The following LDLRAP1 variants were observed in gnomAD, a reference collection of about 807,000 sequenced individuals.
The protein encoded by LDLRAP1 is low density lipoprotein receptor adapter protein 1.
Under a neutral mutation model 37.8 loss-of-function variants are expected in LDLRAP1, and 30 were observed. The observed-to-expected ratio is 0.79, with a 90% CI of 0.59 to 1.08. The LOEUF is 1.08. LDLRAP1 is among the 50% of genes least tolerant of loss of function. The probability of loss-of-function intolerance (pLI) is 0.00; values close to 1 mark genes in which losing one functional copy is unlikely to be tolerated. For synonymous variants in LDLRAP1, 156 were observed against 169.8 expected (o/e 0.92, Z 0.63); for missense variants, 375 against 401.6 (o/e 0.93, Z 0.57).
Position 25,543,622 on chromosome 1 carries a change from G to C in LDLRAP1, c.-77G>C, listed in dbSNP as rs1027938264. 3 of 1,040,972 alleles carry C rather than the reference G, an allele frequency of 2.9e-6. No individual in the cohort carries two copies. Among genetic ancestry groups the C allele is most frequent in the Non-Finnish European group, 3.6e-6 (3 of 822,980 alleles). The allele number at this position is 1,040,972 out of a possible 1,614,324, so 64.5% of individuals were successfully genotyped here. On this transcript the variant is annotated 5_prime_UTR_variant, in exon 1 of 9. Coordinates refer to ENST00000374338, the MANE Select transcript of LDLRAP1 (RefSeq NM_015627.3). ...GGGAGGGGAGGAGCGCGCAGCCCGC[G>C]CGCCGCAGGGCCGGGCGGAAAGTTT... is the stretch of plus-strand genomic sequence containing the variant.
At chr1:25,566,259 C>T (rs1182190144) in intron 8 of LDLRAP1, among the ~76,000 whole-genome samples, 3 of 152,130 alleles carry the variant, frequency 2.0e-5, no homozygotes, top group Non-Finnish European at 4.4e-5. Context: ...TTGATCAGCT[C>T]ATCGTATTTG....
At chr1:25,573,520 C>T (rs560812236), downstream of LDLRAP1, among the ~76,000 whole-genome samples, 36 of 152,180 alleles carry the variant, frequency 2.4e-4, no homozygotes, top group Non-Finnish European at 4.3e-4. Flanking sequence ...TCAGCCCTTG[C>T]GGCTCAGGAG....
chr1:25,545,271 G>T lies in LDLRAP1; in HGVS notation c.88+1485G>T, dbSNP rs760810640. 2.0e-5 allele frequency among the ~76,000 whole-genome samples: 3 copies of T among 152,184 alleles called. No homozygotes were observed. In the South Asian group the frequency reaches 6.2e-4, roughly 32 times the overall value. ...CCCAGGGAAGTGGTTTTGAAGGAAGGGGGGCTGGCAAGGGAAGGGAGGCTA... is the reference window on the plus strand; with the variant it reads ...CCCAGGGAAGTGGTTTTGAAGGAAGTGGGGCTGGCAAGGGAAGGGAGGCTA... On this transcript the variant is annotated intron_variant, in intron 1 of 8. Transcript: ENST00000374338.
chr1:25,590,097 G>A, the LDLRAP1 span: 14 of 152,242 alleles, frequency 9.2e-5, no homozygotes, highest in African/African-American at 2.9e-4. Context: ...GGGAGACTCC[G>A]TCTCTAAATA....
chr1:25,546,722 A>T (rs1019212434), intron 1 of LDLRAP1, among the ~76,000 whole-genome samples: 1 of 152,236 alleles, frequency 6.6e-6, no homozygotes, highest in African/African-American at 2.4e-5. Flanking sequence ...TTCATGGTGG[A>T]AGGCAAGGGA....
At position 25,543,722 on chromosome 1, in the gene LDLRAP1, G is replaced by A. The variant is rs1334466061; in HGVS notation, c.24G>A (p.Gly8=). 8.2e-7 allele frequency: 1 copy of A among 1,214,294 alleles called. No homozygotes were observed. The highest frequency in any genetic ancestry group is 1.6e-5 in the African/African-American group (1 of 63,676). The allele number at this position is 1,214,294 out of a possible 1,614,324, so 75.2% of individuals were successfully genotyped here. The stretch of plus-strand genomic sequence containing the variant: ...CCATGGACGCGCTCAAGTCGGCGGG[G>A]CGGGCGCTGATCCGGAGCCCCAGCT... MDALKSA[G]RALIRSPSLA... The change falls in exon 1 of 9, where the codon GGG becomes GGA. Residue 8 remains glycine, a synonymous_variant. Transcript: ENST00000374338.
At chr1:25,578,586 C>T in the LDLRAP1 span, among the ~76,000 whole-genome samples, 1 of 152,098 alleles carries the variant, frequency 6.6e-6, no homozygotes, top group Non-Finnish European at 1.5e-5. Context: ...GTGATCATGG[C>T]TCACTGCAGC....
intron 1 of LDLRAP1, among the ~76,000 whole-genome samples, chr1:25,547,735 C>T (rs2043972133): frequency 6.6e-6 from 1 of 152,074 alleles, no homozygotes; most frequent in East Asian, 1.9e-4. Context: ...TACTGGCAGT[C>T]AGCACAACAT....
the LDLRAP1 span, among the ~76,000 whole-genome samples, chr1:25,578,573 G>C: frequency 6.6e-6 from 1 of 152,006 alleles, no homozygotes; most frequent in South Asian, 2.1e-4. Context: ...GCAGTGCAGT[G>C]GTGTGATCAT....
chr1:25,589,075 G>A, the LDLRAP1 span, among the ~76,000 whole-genome samples: 5 of 152,110 alleles, frequency 3.3e-5, no homozygotes, highest in East Asian at 1.9e-4. Context: ...AGGCCGAGGC[G>A]GGGGGATCAC....
At chr1:25,586,579 T>TGC in the LDLRAP1 span, among the ~76,000 whole-genome samples, 17 of 147,550 alleles carry the variant, frequency 1.2e-4, no homozygotes, top group East Asian at 3.3e-3. The surrounding 1 kb of genome is among the most constrained non-coding windows in gnomAD (Gnocchi z 4.3). Flanking sequence ...TGTGTGCGTG[T>TGC]GCGCGCGTGT....
At chr1:25,573,418 G>C (rs2044631667), downstream of LDLRAP1, among the ~76,000 whole-genome samples, 1 of 152,218 alleles carries the variant, frequency 6.6e-6, no homozygotes, top group South Asian at 2.1e-4. Context: ...TCTGGCGGCT[G>C]CTGCTCCTGT....
the LDLRAP1 span, among the ~76,000 whole-genome samples, chr1:25,583,168 T>C: frequency 1.3e-5 from 2 of 151,738 alleles, no homozygotes; most frequent in African/African-American, 4.8e-5. Flanking sequence ...GTGAGGTGTT[T>C]TTTTTCCTTT....
chr1:25,579,922 C>G, the LDLRAP1 span, among the ~76,000 whole-genome samples: 2 of 152,150 alleles, frequency 1.3e-5, no homozygotes, highest in African/African-American at 4.8e-5. Context: ...AGCTCGAAAC[C>G]CACCCCCTCC....
In LDLRAP1 at chr1:25,563,765, G is replaced by T; in HGVS notation, c.721G>T (p.Ala241Ser). Residue 241 changes from alanine to serine, a missense_variant, in exon 7 of 9, where the codon GCC becomes TCC. Transcript: ENST00000374338. ...TNMDEVPRPQ[A>S]LSGSSVVWEL... Reference sequence around the variant, plus strand: ...CATGGACGAGGTGCCGCGGCCACAAGCCTTGAGTGGCAGCAGTGTTGTCTG... The same window carrying T: ...CATGGACGAGGTGCCGCGGCCACAATCCTTGAGTGGCAGCAGTGTTGTCTG... 1 of 1,614,022 alleles carries T rather than the reference G, an allele frequency of 6.2e-7. No homozygotes were observed.
intron 4 of LDLRAP1, among the ~76,000 whole-genome samples, chr1:25,558,100 T>A (rs553858496): frequency 1.2e-4 from 19 of 152,242 alleles, no homozygotes; most frequent in African/African-American, 4.1e-4. Flanking sequence ...TTGTCCTGAA[T>A]TTGGGGGCAA....
At chr1:25,545,065 C>T in intron 1 of LDLRAP1, among the ~76,000 whole-genome samples, 1 of 152,226 alleles carries the variant, frequency 6.6e-6, no homozygotes, top group South Asian at 2.1e-4. Flanking sequence ...GGGTCAGAGA[C>T]CCATTAGGGC....
the LDLRAP1 span, among the ~76,000 whole-genome samples, chr1:25,579,309 G>C: frequency 6.6e-6 from 1 of 152,178 alleles, no homozygotes; most frequent in African/African-American, 2.4e-5. Context: ...ACCTCCACGT[G>C]CGCAGCTTTC....
intron 7 of LDLRAP1, chr1:25,564,038 G>A: frequency 1.8e-6 from 1 of 552,150 alleles, no homozygotes; most frequent in Admixed American, 2.8e-5. Context: ...CTCTTGGCCT[G>A]AGCGTCCACG....
Sources: gnomAD v4.1 joint callset for allele counts (sites outside exome capture counted in the v4.1 genomes callset) on GRCh38, gnomAD v4.1.1 for gene constraint, Gnocchi (gnomAD v3.1) non-coding constraint, MANE v1.5 for transcripts, NCBI Gene and HGNC (gene_info 2026-07-23, HGNC 2026-07-21) for gene names.